SPG11: variants seen among roughly 807,000 people sequenced by gnomAD.
The protein encoded by SPG11 is SPG11 vesicle trafficking associated, spatacsin.
A neutral mutation model predicts 274.0 loss-of-function variants in SPG11; 222 were observed. That is an observed-to-expected ratio of 0.81 (90% CI 0.73 to 0.91). SPG11 has a LOEUF of 0.91. Among genes scored for constraint, SPG11 ranks in the 40% least tolerant of loss-of-function variants. The pLI, the probability that SPG11 is intolerant of heterozygous loss-of-function variation, is 0.00. For synonymous variants in SPG11, 1,144 were observed against 1,039.7 expected (o/e 1.10, Z -1.93); for missense variants, 3,114 against 2,872.7 (o/e 1.08, Z -1.92).
Position 44,628,622 on chromosome 15 carries a change from C to T in SPG11, c.2067+47G>A, listed in dbSNP as rs2083969004. ...TGTTTCTTTCTATTGTTTTCTCAGA[C>T]CTTCTGAATCTGGCAAATAAAAGAA... is the stretch of plus-strand genomic sequence containing the variant. On this transcript the variant is annotated intron_variant, in intron 10 of 39. Coordinates refer to ENST00000261866, the MANE Select transcript of SPG11 (RefSeq NM_025137.4). 6.6e-6 allele frequency: 10 copies of T among 1,512,740 alleles called. No individual in the cohort carries two copies. In the East Asian group the frequency reaches 2.3e-4, roughly 34 times the overall value. The allele number at this position is 1,512,740 out of a possible 1,614,324, so 93.7% of individuals were successfully genotyped here. A position where few individuals can be genotyped will look rare whatever the true frequency, so the allele number is the denominator to read the frequency against.
intron 7 of SPG11, among the ~76,000 whole-genome samples, chr15:44,636,741 C>T (rs1322322739): frequency 6.6e-6 from 1 of 151,262 alleles, no homozygotes; most frequent in Non-Finnish European, 1.5e-5. Context: ...GCCTGGCCAA[C>T]ATAGTAAAAC....
chr15:44,590,986 G>T (rs2082886151), intron 27 of SPG11: 1 of 152,096 alleles, frequency 6.6e-6, no homozygotes. Context: ...CTTAAATTAA[G>T]GAATGGTTTA....
Position 44,584,349 on chromosome 15 carries a change from G to A in SPG11, c.5331C>T (p.Thr1777=), listed in dbSNP as rs1595843413. Residue 1777 remains threonine, a synonymous_variant, in exon 30 of 40, where the codon ACC becomes ACT. Coordinates refer to ENST00000261866, the MANE Select transcript of SPG11 (RefSeq NM_025137.4). Reference sequence around the variant, plus strand: ...CCTGGGCAAGCCAGTGCCCTGCCAAGGTGAGCAGCAGATGGCGCTCCTCCA... The same window carrying A: ...CCTGGGCAAGCCAGTGCCCTGCCAAAGTGAGCAGCAGATGGCGCTCCTCCA... ...SSMEERHLLL[T]LAGHWLAQED... 1.2e-6 allele frequency: 2 copies of A among 1,611,124 alleles called. No individual in the cohort carries two copies. Among genetic ancestry groups the A allele is most frequent in the Non-Finnish European group, 1.7e-6 (2 of 1,177,922 alleles).
At chr15:44,595,998 A>C (rs1255426727) in intron 25 of SPG11, 85 bp downstream of exon 25, 2 of 1,551,620 alleles carry the variant, frequency 1.3e-6, no homozygotes, top group Non-Finnish European at 8.8e-7. Flanking sequence ...TCATCACCCC[A>C]CTTCTGATTA....
At chr15:44,661,587 C>T (rs555552335) in intron 1 of SPG11, among the ~76,000 whole-genome samples, 5 of 151,680 alleles carry the variant, frequency 3.3e-5, no homozygotes, top group South Asian at 2.1e-4. Flanking sequence ...TAGTTTTATA[C>T]TATTATAGTA....
rs575414464 is a variant in SPG11, at chr15:44,576,376, T to C, written c.5867-1335A>G. Reference sequence around the variant, plus strand: ...AGAAAGAAGGGGGTCAGGCCAGGTGTGGTGGCTCATGCCTGTAACCCCAGC... The same window carrying C: ...AGAAAGAAGGGGGTCAGGCCAGGTGCGGTGGCTCATGCCTGTAACCCCAGC... On this transcript the variant is annotated intron_variant, in intron 30 of 39. Coordinates refer to ENST00000261866, the MANE Select transcript of SPG11 (RefSeq NM_025137.4). Among the ~76,000 whole-genome samples, 377 of 151,942 alleles carry C rather than the reference T, an allele frequency of 2.5e-3. 1 individual carries two copies. Among genetic ancestry groups the C allele is most frequent in the Non-Finnish European group, 4.1e-3 (276 of 67,942 alleles).
At chr15:44,610,800 T>C in intron 18 of SPG11, 40 bp downstream of exon 18, 13 of 1,583,772 alleles carry the variant, frequency 8.2e-6, no homozygotes, top group Non-Finnish European at 1.1e-5. Context: ...CTGCTAAATT[T>C]AAAAATCAGT....
chr15:44,647,134 A>G (rs1410223470), intron 7 of SPG11, among the ~76,000 whole-genome samples: 3 of 152,240 alleles, frequency 2.0e-5, no homozygotes, highest in Non-Finnish European at 4.4e-5. Flanking sequence ...ATTTCTCCAA[A>G]GACGACACAC....
rs1267814767 is a variant in SPG11, at chr15:44,567,620, G to C, written c.6586-28C>G. 3 of 1,613,496 alleles carry C rather than the reference G, an allele frequency of 1.9e-6. No individual in the cohort carries two copies. The Admixed American group carries it at 5.0e-5, about 27-fold the overall frequency. The stretch of plus-strand genomic sequence containing the variant: ...GCCCAGAATAAAAGGGAAAAAGCAA[G>C]GTGTCAGTCAGGGACTGCAAGGCAG... On this transcript the variant is annotated intron_variant, in intron 35 of 39. Transcript: ENST00000261866.
At chr15:44,598,431 T>G (rs899343585) in intron 22 of SPG11, 58 bp from the exon 23 acceptor site, 1 of 1,522,482 alleles carries the variant, frequency 6.6e-7, no homozygotes, top group African/African-American at 1.4e-5. Context: ...ACCTGAGCAT[T>G]TCTGTTTGAA....
In SPG11 at chr15:44,562,940, A is replaced by ATT. The variant is rs1168140581; in HGVS notation, c.*179_*180dup. ...ATGAACAATCATCTAAAATCAATCT[A>ATT]TTTTAAATAGGAATTTCCTCCTGAA... On this transcript the variant is annotated 3_prime_UTR_variant, in exon 40 of 40. Transcript: ENST00000261866. The ATT allele has an allele frequency of 5.0e-6, 3 of 604,038 alleles. No individual in the cohort carries two copies. The Admixed American group carries it at 8.8e-5, about 18-fold the overall frequency. The allele number at this position is 604,038 out of a possible 1,614,324, so 37.4% of individuals were successfully genotyped here. A position where few individuals can be genotyped will look rare whatever the true frequency, so the allele number is the denominator to read the frequency against.
chr15:44,636,173 T>C (rs1174422791), intron 7 of SPG11, among the ~76,000 whole-genome samples: 1 of 151,960 alleles, frequency 6.6e-6, no homozygotes, highest in Non-Finnish European at 1.5e-5. Flanking sequence ...GTGAGACATA[T>C]TGGTGGGAGT....
At chr15:44,591,796 GACT>G (rs2140961841) in intron 27 of SPG11, among the ~76,000 whole-genome samples, 1 of 152,044 alleles carries the variant, frequency 6.6e-6, no homozygotes, top group East Asian at 1.9e-4. Flanking sequence ...AACAAAGCAA[GACT>G]TCTTCTCTAT....
Position 44,570,582 on chromosome 15 carries a change from C to A in SPG11, c.6420G>T (p.Gln2140His). 1 of 1,614,136 alleles carries A rather than the reference C, an allele frequency of 6.2e-7. No homozygotes were observed. The highest frequency in any genetic ancestry group is 1.1e-5 in the South Asian group (1 of 91,080). The change falls in exon 34 of 40, where the codon CAG (glutamine) becomes CAT (histidine). Residue 2140 changes from glutamine to histidine, a missense_variant. Gln to His is a conservative substitution (Grantham distance 24). Coordinates refer to ENST00000261866, the MANE Select transcript of SPG11 (RefSeq NM_025137.4). ...CHMEGIIRVLQAAHMLTDNHL... is the reference protein window; with the variant it reads ...CHMEGIIRVLHAAHMLTDNHL... The stretch of plus-strand genomic sequence containing the variant: ...GGTTATCTGTGAGCATGTGGGCGGC[C>A]TGTAGGACTCGGATGATGCCCTCCA...
At chr15:44,591,774 A>T (rs186116367) in intron 27 of SPG11, among the ~76,000 whole-genome samples, 1 of 152,186 alleles carries the variant, frequency 6.6e-6, no homozygotes, top group East Asian at 1.9e-4. Flanking sequence ...GGAGTTCCAA[A>T]CCAGCCTGGG....
rs1196831663 is a variant in SPG11, at chr15:44,573,658, A to C, written c.6094T>G (p.Cys2032Gly). The change falls in exon 32 of 40, where the codon TGC becomes GGC. Residue 2032 changes from cysteine to glycine, a missense_variant. By Grantham distance (159) the Cys-to-Gly change is radical (BLOSUM62 -3). Transcript: ENST00000261866. ...KILASQQPDRCKRAQAFISTQ... is the reference protein window; with the variant it reads ...KILASQQPDRGKRAQAFISTQ... ...CTGATGAAGGCCTGGGCTCGTTTGCATCGGTCAGGCTGCTGAGAGGCCAAG... is the reference window on the plus strand; with the variant it reads ...CTGATGAAGGCCTGGGCTCGTTTGCCTCGGTCAGGCTGCTGAGAGGCCAAG... 1 of 1,614,220 alleles carries C rather than the reference A, an allele frequency of 6.2e-7. No homozygotes were observed.
intron 2 of SPG11, among the ~76,000 whole-genome samples, chr15:44,660,044 G>A (rs2085059257): frequency 6.6e-6 from 1 of 152,144 alleles, no homozygotes; most frequent in African/African-American, 2.4e-5. Flanking sequence ...CTGGGTGACA[G>A]AGCGAGACTG....
Position 44,570,578 on chromosome 15 carries a change from C to T in SPG11, c.6424G>A (p.Ala2142Thr), listed in dbSNP as rs141035224. The T allele has an allele frequency of 3.0e-5, 48 of 1,614,072 alleles. 1 individual carries two copies. The highest frequency in any genetic ancestry group is 1.6e-4 in the Middle Eastern group (1 of 6,062). The change falls in exon 34 of 40, where the codon GCC becomes ACC. Residue 2142 changes from alanine (A) to threonine (T), a missense_variant. Ala to Thr is a moderately conservative substitution (Grantham distance 58). Coordinates refer to ENST00000261866, the MANE Select transcript of SPG11 (RefSeq NM_025137.4). ...MEGIIRVLQA[A>T]HMLTDNHLAP... ...AGGTGGTTATCTGTGAGCATGTGGG[C>T]GGCCTGTAGGACTCGGATGATGCCC...
At chr15:44,564,916 T>C (rs1324516325) in intron 38 of SPG11, among the ~76,000 whole-genome samples, 3 of 152,150 alleles carry the variant, frequency 2.0e-5, no homozygotes, top group African/African-American at 4.8e-5. Flanking sequence ...AAACCCTTTT[T>C]TAAAAAAGAC....
Sources: allele counts gnomAD v4.1 joint callset (sites outside exome capture counted in the v4.1 genomes callset), GRCh38; gene constraint gnomAD v4.1.1; transcripts MANE v1.5; gene names NCBI Gene and HGNC (gene_info 2026-07-23, HGNC 2026-07-21).